SPON1: variants seen among roughly 807,000 people sequenced by gnomAD.
SPON1 encodes the protein spondin 1.
SPON1 carries 52 observed loss-of-function variants against 111.7 expected under a neutral mutation model. The ratio of observed to expected loss-of-function variants is 0.47; its 90% CI spans 0.37 to 0.59. The LOEUF is 0.59. Ranked by LOEUF, SPON1 falls within the 20% of genes least tolerant of loss-of-function variation. The probability of loss-of-function intolerance (pLI) is 0.00; values close to 1 mark genes in which losing one functional copy is unlikely to be tolerated. For missense variants in SPON1, 957 were observed against 1,068.5 expected, an observed-to-expected ratio of 0.90 and a Z score of 1.46; for synonymous variants, 410 against 395.8, an observed-to-expected ratio of 1.04 and a Z score of -0.43.
At chr11:14,015,728 C>CTAT (rs782331690) in intron 2 of SPON1, among the ~76,000 whole-genome samples, 3 of 152,118 alleles carry the variant, frequency 2.0e-5, no homozygotes, top group Non-Finnish European at 2.9e-5. Context: ...GAACAAGAAA[C>CTAT]TATTGGAGGT....
intron 3 of SPON1, among the ~76,000 whole-genome samples, chr11:14,065,291 C>T (rs1162081093): frequency 2.0e-5 from 3 of 152,212 alleles, no homozygotes; most frequent in African/African-American, 7.2e-5. Context: ...CAGGAACCCA[C>T]AGAAGCGGGA....
chr11:14,089,560 G>C (rs528616926), intron 5 of SPON1, among the ~76,000 whole-genome samples: 1 of 152,330 alleles, frequency 6.6e-6, no homozygotes, highest in South Asian at 2.1e-4. Context: ...CCTGTATGAG[G>C]TGTCTGTCAA....
chr11:14,171,798 G>A (rs375263006), intron 6 of SPON1, among the ~76,000 whole-genome samples: 5,928 of 152,038 alleles, frequency 0.039, 163 homozygotes, highest in South Asian at 0.092. Flanking sequence ...GTAGTTGAGC[G>A]GTTTTGAGTG....
At chr11:14,178,315 G>T (rs553828241) in intron 6 of SPON1, among the ~76,000 whole-genome samples, 2 of 151,852 alleles carry the variant, frequency 1.3e-5, no homozygotes, top group East Asian at 3.9e-4. Context: ...CCAGCTACTC[G>T]GGAGACTGAG....
chr11:14,069,577 G>T (rs1848859293), intron 3 of SPON1, among the ~76,000 whole-genome samples: 1 of 151,938 alleles, frequency 6.6e-6, no homozygotes. Flanking sequence ...TCCTTTTTCT[G>T]TTTATCTCTT....
chr11:14,126,413 A>T (rs1847460016), intron 5 of SPON1, among the ~76,000 whole-genome samples: 1 of 152,226 alleles, frequency 6.6e-6, no homozygotes, highest in Non-Finnish European at 1.5e-5. Flanking sequence ...GACAGCAGAA[A>T]GGATGTTAGG....
At chr11:14,118,552 A>C (rs1849282436) in intron 5 of SPON1, among the ~76,000 whole-genome samples, 1 of 152,220 alleles carries the variant, frequency 6.6e-6, no homozygotes, top group Non-Finnish European at 1.5e-5. Context: ...CAAATAAATC[A>C]GGAGTCAGAA....
intron 1 of SPON1, among the ~76,000 whole-genome samples, chr11:13,972,963 C>G (rs1006817055): frequency 6.6e-6 from 1 of 152,138 alleles, no homozygotes; most frequent in Non-Finnish European, 1.5e-5. Flanking sequence ...CTCTGTCCCC[C>G]GTTCCCTCCT....
intron 3 of SPON1, among the ~76,000 whole-genome samples, chr11:14,064,994 A>G (rs1360216140): frequency 6.6e-6 from 1 of 152,080 alleles, no homozygotes; most frequent in African/African-American, 2.4e-5. Flanking sequence ...TACTTTCCAT[A>G]CAGTTTTTTC....
At position 14,257,722 on chromosome 11, in the gene SPON1, C is replaced by T. The variant is rs1554941374; in HGVS notation, c.1316C>T (p.Thr439Ile). 6.2e-7 allele frequency: 1 copy of T among 1,609,362 alleles called. No individual in the cohort carries two copies. The highest frequency in any genetic ancestry group is 8.5e-7 in the Non-Finnish European group (1 of 1,177,532). The part of the protein sequence containing the change: ...LAPEEKDEDD[T>I]PETCIYSNWS... ...TGTCAAACACTCTTTCCAGATGACACCCCTGAAACCTGCATCTACTCCAAC... is the reference window on the plus strand; with the variant it reads ...TGTCAAACACTCTTTCCAGATGACATCCCTGAAACCTGCATCTACTCCAAC... The change falls in exon 11 of 16, where the codon ACC becomes ATC. Residue 439 changes from threonine to isoleucine, a missense_variant. Around this residue, in one of 5 missense-constraint regions of SPON1, gnomAD observed 549 missense variants for 606.2 expected, o/e 0.91. Coordinates refer to ENST00000576479, the MANE Select transcript of SPON1 (RefSeq NM_006108.4).
intron 2 of SPON1, among the ~76,000 whole-genome samples, chr11:13,992,438 G>T (rs11023044): frequency 1.3e-5 from 2 of 152,160 alleles, no homozygotes; most frequent in Non-Finnish European, 2.9e-5. Flanking sequence ...GTCCATCTCA[G>T]ACTGCTGCTG....
chr11:14,090,629 G>C (rs1849043472), intron 5 of SPON1, among the ~76,000 whole-genome samples: 2 of 152,088 alleles, frequency 1.3e-5, no homozygotes, highest in African/African-American at 2.4e-5. Context: ...TGGTGGGCTC[G>C]TGGTCTGGCT....
At chr11:14,061,262 T>G (rs1335618556) in intron 3 of SPON1, among the ~76,000 whole-genome samples, 5 of 152,232 alleles carry the variant, frequency 3.3e-5, no homozygotes, top group African/African-American at 1.2e-4. Context: ...ATGGTGATTA[T>G]AAGAACAAGT....
chr11:14,211,893 C>A (rs527554990), intron 6 of SPON1, among the ~76,000 whole-genome samples: 8 of 151,524 alleles, frequency 5.3e-5, no homozygotes, highest in South Asian at 2.1e-4. Flanking sequence ...TTGTCTAAAG[C>A]AATATTATGT....
intron 5 of SPON1, among the ~76,000 whole-genome samples, chr11:14,110,904 T>C (rs1263041012): frequency 3.3e-5 from 5 of 152,210 alleles, no homozygotes; most frequent in Non-Finnish European, 7.4e-5. Flanking sequence ...CCCTAGGCTA[T>C]TGTTTCCCTG....
At chr11:14,076,575 C>G (rs1848919715) in intron 4 of SPON1, among the ~76,000 whole-genome samples, 1 of 152,124 alleles carries the variant, frequency 6.6e-6, no homozygotes. Flanking sequence ...AAATAGCTTT[C>G]TTAGCATCAT....
intron 6 of SPON1, among the ~76,000 whole-genome samples, chr11:14,144,995 T>C (rs1564914977): frequency 6.6e-6 from 1 of 151,696 alleles, no homozygotes; most frequent in Admixed American, 6.6e-5. Context: ...CCATGTAGTA[T>C]GGGTAAGTGG....
At chr11:14,065,551 C>A (rs1848826258) in intron 3 of SPON1, among the ~76,000 whole-genome samples, 1 of 152,152 alleles carries the variant, frequency 6.6e-6, no homozygotes, top group South Asian at 2.1e-4. Flanking sequence ...TGGATCAGAG[C>A]ATAGTCTGGA....
At chr11:14,201,132 A>T (rs1187232025) in intron 6 of SPON1, among the ~76,000 whole-genome samples, 20 of 151,978 alleles carry the variant, frequency 1.3e-4, no homozygotes, top group African/African-American at 4.4e-4. Flanking sequence ...CAAGGTCAGG[A>T]GGTCGAGACC....
Sources: allele counts gnomAD v4.1 joint callset (sites outside exome capture counted in the v4.1 genomes callset), GRCh38; gene constraint gnomAD v4.1.1; regional missense constraint gnomAD v4.1.1; transcripts MANE v1.5; gene names NCBI Gene and HGNC (gene_info 2026-07-23, HGNC 2026-07-21).